Variants in FRAS1 observed in about 807,000 individuals in gnomAD.
FRAS1 encodes the protein extracellular matrix organizing protein FRAS1.
Under a neutral mutation model 435.2 loss-of-function variants are expected in FRAS1, and 290 were observed. That is an observed-to-expected ratio of 0.67 (90% confidence interval 0.61 to 0.73). FRAS1 has a LOEUF of 0.73. Ranked by LOEUF, FRAS1 falls within the 30% of genes least tolerant of loss-of-function variation. The pLI is 0.00. For missense variants in FRAS1, 4,860 were observed against 5,001.5 expected (o/e 0.97, Z 0.85); for synonymous variants, 1,800 against 1,851.0 (o/e 0.97, Z 0.71).
At chr4:78,421,212 A>G (rs980737599) in intron 33 of FRAS1, among the ~76,000 whole-genome samples, 1 of 151,980 alleles carries the variant, frequency 6.6e-6, no homozygotes, top group African/African-American at 2.4e-5. Flanking sequence ...CAGTGGTGCA[A>G]TCTCAGCTCA....
chr4:78,365,122 G>A (rs955904557), intron 22 of FRAS1, among the ~76,000 whole-genome samples: 1 of 152,148 alleles, frequency 6.6e-6, no homozygotes, highest in Non-Finnish European at 1.5e-5. Context: ...AAAATGAGAG[G>A]CAAATAAAGT....
chr4:78,312,066 G>T (rs540409896), intron 15 of FRAS1, among the ~76,000 whole-genome samples: 7 of 151,330 alleles, frequency 4.6e-5, no homozygotes, highest in African/African-American at 1.5e-4. Context: ...TTGCTTTAAG[G>T]TTTTGCTTTT....
At chr4:78,151,409 T>C (rs1430272065) in intron 2 of FRAS1, among the ~76,000 whole-genome samples, 1 of 152,166 alleles carries the variant, frequency 6.6e-6, no homozygotes, top group African/African-American at 2.4e-5. Context: ...CAGACACAAT[T>C]CCTGCCCTCA....
chr4:78,397,434 A>T lies in FRAS1; in HGVS notation c.3976-3300A>T, dbSNP rs1355565276. Among the ~76,000 whole-genome samples the T allele has an allele frequency of 2.0e-5, 3 of 152,046 alleles. No homozygotes were observed. The East Asian group carries it at 5.8e-4, about 29-fold the overall frequency. On this transcript the variant is annotated intron_variant, in intron 29 of 73. Transcript: ENST00000512123. ...ATTCAGCAGAGTCAGGGGACTGTTGATGTGTGTGTTTGCTGTCTGCATGGG... is the reference window on the plus strand; with the variant it reads ...ATTCAGCAGAGTCAGGGGACTGTTGTTGTGTGTGTTTGCTGTCTGCATGGG...
At chr4:78,287,300 G>A (rs567200201) in intron 14 of FRAS1, among the ~76,000 whole-genome samples, 2 of 152,258 alleles carry the variant, frequency 1.3e-5, no homozygotes, top group South Asian at 2.1e-4. Flanking sequence ...CCCTCGACAC[G>A]TGGGGATTAC....
In FRAS1 at chr4:78,508,905, C is replaced by A. The variant is rs1379216288; in HGVS notation, c.9679C>A (p.Gln3227Lys). ...SEAGINQTSV[Q>K]FSWEVAAPTD... is the part of the protein sequence containing the mutation. Reference sequence around the variant, plus strand: ...GGCCGGCATCAACCAGACATCTGTGCAGTTCAGCTGGGAAGTGGCTGCCCC... The same window carrying A: ...GGCCGGCATCAACCAGACATCTGTGAAGTTCAGCTGGGAAGTGGCTGCCCC... The change falls in exon 63 of 74, where the codon CAG becomes AAG. Residue 3227 changes from glutamine (Q) to lysine (K), a missense_variant. Transcript: ENST00000512123. 6.2e-7 allele frequency: 1 copy of A among 1,613,826 alleles called. No individual in the cohort carries two copies. Among genetic ancestry groups the A allele is most frequent in the African/African-American group, 1.3e-5 (1 of 74,924 alleles).
At chr4:78,102,334 C>T (rs1367815371) in intron 2 of FRAS1, among the ~76,000 whole-genome samples, 1 of 152,100 alleles carries the variant, frequency 6.6e-6, no homozygotes, top group Non-Finnish European at 1.5e-5. Context: ...GAAGTTCATG[C>T]CCAGAATCTG....
At chr4:78,467,472 G>C (rs188853771) in intron 50 of FRAS1, among the ~76,000 whole-genome samples, 16 of 152,264 alleles carry the variant, frequency 1.1e-4, no homozygotes, top group Non-Finnish European at 2.2e-4. Flanking sequence ...CCATTAATCT[G>C]TTGATGGACA....
chr4:78,525,862 C>T (rs1457203770), intron 69 of FRAS1, among the ~76,000 whole-genome samples: 1 of 152,198 alleles, frequency 6.6e-6, no homozygotes, highest in Non-Finnish European at 1.5e-5. Flanking sequence ...CTGGAGAATC[C>T]TGGGCCCCCC....
In FRAS1 at chr4:78,438,604, A is replaced by G; in HGVS notation, c.5252A>G (p.Gln1751Arg). Reference protein sequence around the residue: ...DSSPDPEIWIQLNYLPSYGTL... With the variant: ...DSSPDPEIWIRLNYLPSYGTL... ...TCCCCCGACCCAGAGATCTGGATTC[A>G]GTTAAATTATCTGCCCTCATATGGT... The change falls in exon 39 of 74, where the codon CAG (glutamine) becomes CGG (arginine). Residue 1751 changes from glutamine (Q) to arginine (R), a missense_variant. By Grantham distance (43) the Gln-to-Arg change is conservative. Transcript: ENST00000512123. 1 of 1,613,892 alleles carries G rather than the reference A, an allele frequency of 6.2e-7. No individual in the cohort carries two copies. The highest frequency in any genetic ancestry group is 1.3e-5 in the African/African-American group (1 of 75,056).
intron 61 of FRAS1, among the ~76,000 whole-genome samples, chr4:78,504,559 T>C (rs1182839391): frequency 6.6e-6 from 1 of 152,228 alleles, no homozygotes; most frequent in African/African-American, 2.4e-5. Context: ...TTTTTTCTTT[T>C]GCTTTCCATT....
chr4:78,355,357 C>T (rs1053734596), intron 20 of FRAS1, among the ~76,000 whole-genome samples: 1 of 152,108 alleles, frequency 6.6e-6, no homozygotes, highest in Non-Finnish European at 1.5e-5. Flanking sequence ...ATAAATGTAT[C>T]CTGGGCCTCT....
At chr4:78,154,147 T>C (rs1449952377) in intron 2 of FRAS1, among the ~76,000 whole-genome samples, 2 of 152,168 alleles carry the variant, frequency 1.3e-5, no homozygotes, top group South Asian at 2.1e-4. Flanking sequence ...AGAGACTGCA[T>C]GCAGATGAGA....
intron 2 of FRAS1, among the ~76,000 whole-genome samples, chr4:78,183,863 A>G (rs147292546): frequency 7.1e-6 from 1 of 141,818 alleles, no homozygotes; most frequent in Non-Finnish European, 1.6e-5. Flanking sequence ...AAAATAAATA[A>G]CAACAAAAGA....
chr4:78,270,909 A>C (rs1248470942), intron 9 of FRAS1, among the ~76,000 whole-genome samples: 1 of 152,172 alleles, frequency 6.6e-6, no homozygotes, highest in Non-Finnish European at 1.5e-5. Flanking sequence ...TTTGATGGAC[A>C]GTAATCTATA....
chr4:78,370,007 T>TA, intron 23 of FRAS1, 23 bp downstream of exon 23: 1 of 1,607,000 alleles, frequency 6.2e-7, no homozygotes, highest in Non-Finnish European at 8.5e-7. Context: ...CTGAATTGTG[T>TA]AAAGATTCTT....
chr4:78,320,058 C>T (rs906301447), intron 18 of FRAS1, among the ~76,000 whole-genome samples: 1 of 152,210 alleles, frequency 6.6e-6, no homozygotes, highest in South Asian at 2.1e-4. Flanking sequence ...TCCGTGGGTG[C>T]AAACCTCCAT....
At position 78,519,361 on chromosome 4, in the gene FRAS1, G is replaced by T; in HGVS notation, c.10420G>T (p.Val3474Leu). ...GGACTCTGCCCAGTCCTTCTTGACA[G>T]TGCACGTGCCTCTATATGTGTCCTA... is the stretch of plus-strand genomic sequence containing the variant. ...VRDSAQSFLT[V>L]HVPLYVSYIY... Residue 3474 changes from valine (V) to leucine (L), a missense_variant, in exon 67 of 74, where the codon GTG becomes TTG. Val to Leu is a conservative substitution (Grantham distance 32, BLOSUM62 1). Coordinates refer to ENST00000512123, the MANE Select transcript of FRAS1 (RefSeq NM_025074.7). 1 of 1,582,090 alleles carries T rather than the reference G, an allele frequency of 6.3e-7. No individual in the cohort carries two copies. The highest frequency in any genetic ancestry group is 8.6e-7 in the Non-Finnish European group (1 of 1,167,518).
chr4:78,181,784 A>G (rs577087744), intron 2 of FRAS1: 570 of 1,610,868 alleles, frequency 3.5e-4, no homozygotes, highest in Non-Finnish European at 4.4e-4. Flanking sequence ...CTTGTCAACC[A>G]CGCCAACGCT....
Sources: allele counts gnomAD v4.1 joint callset (sites outside exome capture counted in the v4.1 genomes callset), GRCh38; gene constraint gnomAD v4.1.1; transcripts MANE v1.5; gene names NCBI Gene and HGNC (gene_info 2026-07-23, HGNC 2026-07-21).